The following RMI1 variants were observed in gnomAD, a reference collection of about 807,000 sequenced individuals.
RMI1 encodes the protein recQ-mediated genome instability protein 1.
RMI1 carries 36 observed loss-of-function variants against 46.7 expected under a neutral mutation model. The observed-to-expected ratio is 0.77, with a 90% confidence interval of 0.59 to 1.02. The LOEUF (loss-of-function observed/expected upper bound fraction) is 1.02. Ranked by LOEUF, RMI1 falls within the 50% of genes least tolerant of loss-of-function variation. The pLI, the probability that RMI1 is intolerant of heterozygous loss-of-function variation, is 0.00. For missense variants in RMI1, 676 were observed against 713.7 expected (o/e 0.95, Z 0.60); for synonymous variants, 250 against 252.9 (o/e 0.99, Z 0.11).
intron 1 of RMI1, among the ~76,000 whole-genome samples, chr9:83,986,628 A>T (rs1293645651): frequency 6.6e-6 from 1 of 152,252 alleles, no homozygotes; most frequent in Non-Finnish European, 1.5e-5. Context: ...AACATTGTAG[A>T]TGTAGAAGTA....
chr9:83,996,008 C>G (rs1957647271), intron 1 of RMI1, among the ~76,000 whole-genome samples: 1 of 152,094 alleles, frequency 6.6e-6, no homozygotes, highest in African/African-American at 2.4e-5. Flanking sequence ...AAACTGTCTT[C>G]AGGTGTAAAT....
At chr9:83,987,858 T>TA (rs1957515522) in intron 1 of RMI1, among the ~76,000 whole-genome samples, 1 of 152,196 alleles carries the variant, frequency 6.6e-6, no homozygotes, top group Non-Finnish European at 1.5e-5. Context: ...TCACAGTTTG[T>TA]TTATCCGTTC....
intron 1 of RMI1, among the ~76,000 whole-genome samples, chr9:83,990,349 TA>T (rs1199790517): frequency 6.6e-6 from 1 of 151,996 alleles, no homozygotes; most frequent in African/African-American, 2.4e-5. Context: ...CTGTCTCTAC[TA>T]AAAATACAAA....
chr9:84,002,416 GC>G lies in RMI1; in HGVS notation c.1431del (p.Ser477ArgfsTer21). ...QSCSLRSSEN[S>X]INLSIAMDLY... ...TGTTCTTTAAGATCATCAGAGAATA[GC>G]ATTAATCTTTCTATTGCCATGGATT... On this transcript the variant is annotated frameshift_variant, in exon 3 of 3. Transcript: ENST00000445877. LOFTEE classifies it high-confidence loss of function. The G allele has an allele frequency of 6.2e-7, 1 of 1,613,482 alleles. No homozygotes were observed. The highest frequency in any genetic ancestry group is 2.2e-5 in the East Asian group (1 of 44,816).
intron 1 of RMI1, among the ~76,000 whole-genome samples, chr9:83,996,340 T>C (rs1588468754): frequency 6.6e-6 from 1 of 152,332 alleles, no homozygotes; most frequent in East Asian, 1.9e-4. Context: ...TTGGCCCAGT[T>C]CCAGCAAGGA....
chr9:83,981,586 T>C (rs1045807560), intron 1 of RMI1, among the ~76,000 whole-genome samples: 4 of 152,150 alleles, frequency 2.6e-5, no homozygotes, highest in Non-Finnish European at 4.4e-5. Flanking sequence ...CTGGGAAATC[T>C]CCAGCCCTGG....
chr9:83,993,898 G>C (rs1957611127), intron 1 of RMI1, among the ~76,000 whole-genome samples: 1 of 151,664 alleles, frequency 6.6e-6, no homozygotes. Context: ...TCTCACCTCA[G>C]CCTCATGAGT....
intron 1 of RMI1, among the ~76,000 whole-genome samples, chr9:83,988,548 CCCT>C: frequency 6.6e-6 from 1 of 152,288 alleles, no homozygotes; most frequent in East Asian, 1.9e-4. Context: ...GAGCAATCTG[CCCT>C]CCTCAGCCTC....
intron 1 of RMI1, among the ~76,000 whole-genome samples, chr9:83,993,647 A>T (rs1450706705): frequency 6.6e-6 from 1 of 151,850 alleles, no homozygotes; most frequent in African/African-American, 2.4e-5. Flanking sequence ...AATACTTGTT[A>T]TTTTCTGGTT....
rs1238365137 is a variant in RMI1 at position 83,998,827 on chromosome 9, A to G, written c.-125-882A>G. Among the ~76,000 whole-genome samples, 8 of 152,064 alleles carry G rather than the reference A, an allele frequency of 5.3e-5. No individual in the cohort carries two copies. The East Asian group carries it at 1.2e-3, about 22-fold the overall frequency. ...TTCAGAGCAGTGTAGAACTTATCCA[A>G]TGTAGGAATTGGTCATTCAGTCTAA... On this transcript the variant is annotated intron_variant, in intron 1 of 2. Coordinates refer to ENST00000445877, the MANE Select transcript of RMI1 (RefSeq NM_001358291.2).
intron 1 of RMI1, among the ~76,000 whole-genome samples, chr9:83,985,075 T>C (rs1341641076): frequency 6.6e-6 from 1 of 152,168 alleles, no homozygotes; most frequent in South Asian, 2.1e-4. Flanking sequence ...TTAGGAATTA[T>C]CTGAAGGACT....
In RMI1 at chr9:84,001,469, T is replaced by A; in HGVS notation, c.483T>A (p.Leu161=). The A allele has an allele frequency of 1.9e-6, 3 of 1,614,090 alleles. No homozygotes were observed. Among genetic ancestry groups the A allele is most frequent in the Non-Finnish European group, 2.5e-6 (3 of 1,180,000 alleles). ...YQPIPILHSD[L]PPGTKILIYG... Reference sequence around the variant, plus strand: ...CTATTCCAATTCTTCATAGTGATCTTCCTCCAGGTACAAAAATTTTGATTT... The same window carrying A: ...CTATTCCAATTCTTCATAGTGATCTACCTCCAGGTACAAAAATTTTGATTT... The change falls in exon 3 of 3, where the codon CTT becomes CTA. Residue 161 remains leucine, a synonymous_variant. Coordinates refer to ENST00000445877, the MANE Select transcript of RMI1 (RefSeq NM_001358291.2).
intron 1 of RMI1, among the ~76,000 whole-genome samples, chr9:83,990,510 T>A (rs201961205): frequency 7.1e-6 from 1 of 141,190 alleles, no homozygotes. Context: ...AATGCTGTCT[T>A]AAAAAAAAAA....
intron 2 of RMI1, among the ~76,000 whole-genome samples, chr9:84,000,074 T>TTCAAGTAC: frequency 6.6e-6 from 1 of 152,314 alleles, no homozygotes; most frequent in Non-Finnish European, 1.5e-5. Context: ...AGACCACATA[T>TTCAAGTAC]TCAAGTACTA....
At chr9:83,988,452 C>T (rs1472377914) in intron 1 of RMI1, among the ~76,000 whole-genome samples, 1 of 152,116 alleles carries the variant, frequency 6.6e-6, no homozygotes, top group African/African-American at 2.4e-5. Flanking sequence ...TACAGGCATG[C>T]ACCACAATGT....
intron 1 of RMI1, among the ~76,000 whole-genome samples, chr9:83,990,242 C>T (rs545168034): frequency 1.9e-4 from 29 of 152,138 alleles, no homozygotes; most frequent in Non-Finnish European, 3.8e-4. Flanking sequence ...AGAGGCCGGG[C>T]GCAGTGGCTC....
intron 1 of RMI1, among the ~76,000 whole-genome samples, chr9:83,982,402 G>C (rs534478821): frequency 6.6e-6 from 1 of 152,124 alleles, no homozygotes; most frequent in Non-Finnish European, 1.5e-5. Context: ...GGTGGCTCAC[G>C]CCTGTAATCC....
chr9:84,001,147 A>G lies in RMI1; in HGVS notation c.161A>G (p.Glu54Gly). The G allele has an allele frequency of 6.2e-7, 1 of 1,614,148 alleles. No individual in the cohort carries two copies. Among genetic ancestry groups the G allele is most frequent in the Non-Finnish European group, 8.5e-7 (1 of 1,179,990 alleles). ...GCCCAAATGAATAAACAAGTGTTTG[A>G]GCAGTGGCTCCTTACTGATCTGAGG... ...SQAQMNKQVF[E>G]QWLLTDLRDL... Residue 54 changes from glutamate to glycine, a missense_variant, in exon 3 of 3, where the codon GAG becomes GGG. By Grantham distance (98) the Glu-to-Gly change is moderately conservative (BLOSUM62 -2). Transcript: ENST00000445877.
Position 84,001,859 on chromosome 9 carries a change from T to C in RMI1, c.873T>C (p.Ile291=), listed in dbSNP as rs1957741891. Residue 291 remains isoleucine (I), a synonymous_variant, in exon 3 of 3, where the codon ATT becomes ATC. Transcript: ENST00000445877. ...CAAGTTTTGAGCCAGAATTTGTTAT[T>C]TCTCCAAGACCAAAAGAGGAACCAT... ...RQSSFEPEFV[I]SPRPKEEPSN... is the part of the protein sequence containing the mutation. The C allele has an allele frequency of 5.0e-6, 8 of 1,614,064 alleles. No homozygotes were observed. The highest frequency in any genetic ancestry group is 6.8e-6 in the Non-Finnish European group (8 of 1,179,960).
Sources: allele counts gnomAD v4.1 joint callset (sites outside exome capture counted in the v4.1 genomes callset), GRCh38; gene constraint gnomAD v4.1.1; transcripts MANE v1.5; gene names NCBI Gene and HGNC (gene_info 2026-07-23, HGNC 2026-07-21).